Variants in MITF observed in about 807,000 individuals in gnomAD.
MITF encodes the protein microphthalmia-associated transcription factor.
Under a neutral mutation model 60.5 loss-of-function variants are expected in MITF, and 17 were observed. That is an observed-to-expected ratio of 0.28 (90% CI 0.19 to 0.42). The LOEUF (loss-of-function observed/expected upper bound fraction) is 0.42. Ranked by LOEUF, MITF falls within the 10% of genes least tolerant of loss-of-function variation. The pLI is 1.00. For synonymous variants in MITF, 260 were observed against 248.5 expected (o/e 1.05, Z -0.43); for missense variants, 622 against 683.5 (o/e 0.91, Z 1.00).
chr3:69,881,656 T>C (rs182359785), intron 2 of MITF, among the ~76,000 whole-genome samples: 25 of 152,070 alleles, frequency 1.6e-4, no homozygotes, highest in Admixed American at 1.2e-3. Flanking sequence ...TTTTTTTTCT[T>C]TTTTATAGTT....
intron 1 of MITF, among the ~76,000 whole-genome samples, chr3:69,846,471 T>G (rs2107160543): frequency 6.6e-6 from 1 of 152,280 alleles, no homozygotes; most frequent in African/African-American, 2.4e-5. Context: ...AAGCATTTGG[T>G]AAATATTTGT....
At chr3:69,792,364 T>TA (rs761755261) in intron 1 of MITF, among the ~76,000 whole-genome samples, 11 of 152,192 alleles carry the variant, frequency 7.2e-5, no homozygotes, top group Admixed American at 1.3e-4. Flanking sequence ...TATGTGCTGT[T>TA]ACAGTGATGC....
chr3:69,800,457 G>A (rs1324757946), intron 1 of MITF, among the ~76,000 whole-genome samples: 1 of 152,092 alleles, frequency 6.6e-6, no homozygotes, highest in East Asian at 1.9e-4. Flanking sequence ...TTACCTAAGA[G>A]CGGAATGGCT....
At chr3:69,771,562 A>G (rs987973172) in intron 1 of MITF, among the ~76,000 whole-genome samples, 3 of 152,264 alleles carry the variant, frequency 2.0e-5, no homozygotes, top group African/African-American at 7.2e-5. Flanking sequence ...TTCAGCCATC[A>G]TAGATTTAAG....
chr3:69,820,171 T>C (rs1287745882), intron 1 of MITF, among the ~76,000 whole-genome samples: 5 of 152,238 alleles, frequency 3.3e-5, no homozygotes, highest in South Asian at 2.1e-4. Context: ...TTTTGAATTA[T>C]GTTTTGGGTA....
At position 69,767,809 on chromosome 3, in the gene MITF, G is replaced by A. The variant is rs111390115; in HGVS notation, c.104+28108G>A. ...GAAGAATGGGTTGGAGGGTGGCCAG[G>A]GCTGGTGTCACAGAGGCCAGTTAGG... On this transcript the variant is annotated intron_variant, in intron 1 of 9. Coordinates refer to ENST00000352241, the MANE Select transcript of MITF (RefSeq NM_001354604.2). Among the ~76,000 whole-genome samples the A allele has an allele frequency of 4.2e-3, 633 of 152,174 alleles. 7 individuals carry two copies. The highest frequency in any genetic ancestry group is 0.014 in the African/African-American group (585 of 41,534).
intron 1 of MITF, among the ~76,000 whole-genome samples, chr3:69,753,563 C>G (rs1704014882): frequency 6.6e-6 from 1 of 152,216 alleles, no homozygotes; most frequent in Non-Finnish European, 1.5e-5. Flanking sequence ...CAGTCAATGC[C>G]AGCCCTTGAG....
chr3:69,953,910 G>C (rs1334942258), intron 7 of MITF, among the ~76,000 whole-genome samples: 1 of 152,016 alleles, frequency 6.6e-6, no homozygotes, highest in Non-Finnish European at 1.5e-5. Context: ...GGGGAGAGAC[G>C]TGCTTGTCTC....
At chr3:69,865,828 C>T (rs1414944961) in intron 1 of MITF, among the ~76,000 whole-genome samples, 1 of 152,210 alleles carries the variant, frequency 6.6e-6, no homozygotes, top group African/African-American at 2.4e-5. Context: ...AGCTCCCAAA[C>T]TGAGAGGGGA....
chr3:69,844,274 T>A (rs945512374), intron 1 of MITF, among the ~76,000 whole-genome samples: 2 of 152,152 alleles, frequency 1.3e-5, no homozygotes, highest in Admixed American at 1.3e-4. Flanking sequence ...AAAACAGATA[T>A]ATAGAACAAT....
intron 1 of MITF, among the ~76,000 whole-genome samples, chr3:69,752,588 G>A (rs979335780): frequency 5.3e-5 from 8 of 152,190 alleles, no homozygotes; most frequent in African/African-American, 1.9e-4. Flanking sequence ...TTTCTAAGCA[G>A]CAAAGTATTC....
intron 7 of MITF, among the ~76,000 whole-genome samples, chr3:69,954,601 G>C (rs898835869): frequency 2.6e-5 from 4 of 152,154 alleles, no homozygotes; most frequent in Non-Finnish European, 5.9e-5. Context: ...ATAGCAAGGA[G>C]CCAGAGGGGC....
chr3:69,870,958 C>A (rs2064224267), intron 1 of MITF, among the ~76,000 whole-genome samples: 1 of 152,110 alleles, frequency 6.6e-6, no homozygotes, highest in South Asian at 2.1e-4. Context: ...ACAAAACCAG[C>A]TGTAGTATCC....
Position 69,797,113 on chromosome 3 carries a change from A to G in MITF, c.104+57412A>G, listed in dbSNP as rs141041863. 5.4e-4 allele frequency among the ~76,000 whole-genome samples: 82 copies of G among 152,328 alleles called. No homozygotes were observed. In the East Asian group the frequency reaches 0.016, roughly 29 times the overall value. ...AGGGATTTGTATCATAATTTAGTCCAGAGGGTATACCTCTAATTCGCTCCC... is the reference window on the plus strand; with the variant it reads ...AGGGATTTGTATCATAATTTAGTCCGGAGGGTATACCTCTAATTCGCTCCC... On this transcript the variant is annotated intron_variant, in intron 1 of 9. Coordinates refer to ENST00000352241, the MANE Select transcript of MITF (RefSeq NM_001354604.2).
At chr3:69,805,199 C>G (rs958830671) in intron 1 of MITF, among the ~76,000 whole-genome samples, 2 of 151,916 alleles carry the variant, frequency 1.3e-5, no homozygotes, top group Non-Finnish European at 2.9e-5. Flanking sequence ...TCTATTGCCA[C>G]GTGTTTCTTA....
intron 1 of MITF, among the ~76,000 whole-genome samples, chr3:69,846,785 C>G (rs1256334653): frequency 6.8e-6 from 1 of 147,824 alleles, no homozygotes; most frequent in Non-Finnish European, 1.5e-5. Flanking sequence ...CCACTTCACT[C>G]CAGCCTGGGC....
intron 1 of MITF, among the ~76,000 whole-genome samples, chr3:69,843,171 A>G (rs755139429): frequency 1.3e-5 from 2 of 152,182 alleles, no homozygotes; most frequent in Non-Finnish European, 2.9e-5. Context: ...TGAAAAACCA[A>G]TATCTATGGA....
intron 1 of MITF, among the ~76,000 whole-genome samples, chr3:69,871,343 G>C (rs1417398650): frequency 6.6e-6 from 1 of 152,214 alleles, no homozygotes; most frequent in East Asian, 1.9e-4. Context: ...TTTGTGACCA[G>C]AAGGATGGAT....
chr3:69,848,136 A>G lies in MITF; in HGVS notation c.105-30998A>G, dbSNP rs563989733. On this transcript the variant is annotated intron_variant, in intron 1 of 9. Coordinates refer to ENST00000352241, the MANE Select transcript of MITF (RefSeq NM_001354604.2). ...TGGAAGAAAGCTTTGCGAATTTATA[A>G]CAGCAGTCTGTTGGGTTCAGAGAGA... Among the ~76,000 whole-genome samples, 5 of 152,342 alleles carry G rather than the reference A, an allele frequency of 3.3e-5. No homozygotes were observed. In the East Asian group the frequency reaches 9.6e-4, roughly 29 times the overall value.
Sources: allele counts gnomAD v4.1 joint callset (sites outside exome capture counted in the v4.1 genomes callset), GRCh38; gene constraint gnomAD v4.1.1; transcripts MANE v1.5; gene names NCBI Gene and HGNC (gene_info 2026-07-23, HGNC 2026-07-21).